Variants in TBKBP1 observed in about 807,000 individuals in gnomAD.
TBKBP1 encodes the protein TBK1 binding protein 1.
A neutral mutation model predicts 69.9 loss-of-function variants in TBKBP1; 47 were observed. That is an observed-to-expected ratio of 0.67 (90% confidence interval 0.53 to 0.86). TBKBP1 has a LOEUF of 0.86. Among genes scored for constraint, TBKBP1 ranks in the 40% least tolerant of loss-of-function variants. The pLI is 0.00. For missense variants in TBKBP1, 831 were observed against 858.6 expected (o/e 0.97, Z 0.40); for synonymous variants, 418 against 390.3 (o/e 1.07, Z -0.84).
rs553365938 is a variant in TBKBP1, at chr17:47,696,458, G to A, written c.225+121G>A. 8.1e-6 allele frequency: 10 copies of A among 1,238,394 alleles called. No homozygotes were observed. The Admixed American group carries it at 1.2e-4, about 15-fold the overall frequency. 76.7% of individuals were successfully genotyped at this position (1,238,394 alleles called of 1,614,324 possible). On this transcript the variant is annotated intron_variant, in intron 2 of 9. Coordinates refer to ENST00000578982, the MANE Select transcript of TBKBP1 (RefSeq NM_001394755.1). ...CTGTGCAGACTCTTGGGAACTTGAG[G>A]GTCTCCCATGAGAGACGTGGCTGTT...
chr17:47,699,670 C>A lies in TBKBP1; in HGVS notation c.845C>A (p.Ala282Glu), dbSNP rs1206567632. Reference protein sequence around the residue: ...LASNQSERDMAWVKRVGDDQV... With the variant: ...LASNQSERDMEWVKRVGDDQV... ...TCCAACCAGTCGGAGCGAGACATGGCGTGGGTGAAAAGAGTTGGGGATGAT... is the reference window on the plus strand; with the variant it reads ...TCCAACCAGTCGGAGCGAGACATGGAGTGGGTGAAAAGAGTTGGGGATGAT... Residue 282 changes from alanine to glutamate, a missense_variant, in exon 7 of 10, where the codon GCG becomes GAG. Physicochemically the swap from Ala to Glu is moderately radical, Grantham distance 107 (BLOSUM62 -1). Transcript: ENST00000578982. The A allele has an allele frequency of 1.2e-6, 2 of 1,613,856 alleles. No individual in the cohort carries two copies. The highest frequency in any genetic ancestry group is 1.7e-6 in the Non-Finnish European group (2 of 1,179,872).
Position 47,710,697 on chromosome 17 carries a change from G to C in TBKBP1, c.*71G>C. 1 of 1,544,288 alleles carries C rather than the reference G, an allele frequency of 6.5e-7. No homozygotes were observed. The highest frequency in any genetic ancestry group is 8.8e-7 in the Non-Finnish European group (1 of 1,135,716). ...CCCCCAAACACTCACTTTGAATGCT[G>C]CATGAATCTCGTGGGGGGTCCCTGC... On this transcript the variant is annotated 3_prime_UTR_variant, in exon 10 of 10. Transcript: ENST00000578982.
In TBKBP1 at chr17:47,709,246, C is replaced by T. The variant is rs1597970340; in HGVS notation, c.1513C>T (p.Pro505Ser). 6.6e-7 allele frequency: 1 copy of T among 1,522,170 alleles called. No individual in the cohort carries two copies. The highest frequency in any genetic ancestry group is 2.6e-5 in the East Asian group (1 of 38,452). The allele number at this position is 1,522,170 out of a possible 1,614,324, so 94.3% of individuals were successfully genotyped here. The change falls in exon 9 of 10, where the codon CCG becomes TCG. Residue 505 changes from proline to serine, a missense_variant. Pro to Ser is a moderately conservative substitution (Grantham distance 74, BLOSUM62 -1). Coordinates refer to ENST00000578982, the MANE Select transcript of TBKBP1 (RefSeq NM_001394755.1). ...ELYGPGRPLS[P>S]RRAFEGIRLR... Reference sequence around the variant, plus strand: ...CTACGGCCCTGGCAGGCCCCTCAGCCCGCGGCGCGCCTTCGAGGGCATCCG... The same window carrying T: ...CTACGGCCCTGGCAGGCCCCTCAGCTCGCGGCGCGCCTTCGAGGGCATCCG...
chr17:47,708,757 T>TG lies in TBKBP1; in HGVS notation c.1024_1025insG (p.Ser342CysfsTer123). Reference sequence around the variant, plus strand: ...GCACTCGCCGCTGTCACAACGCCACTCCCCGGCCCCCCAGTGCCCCTCCCC... The same window carrying TG: ...GCACTCGCCGCTGTCACAACGCCACTGCCCCGGCCCCCCAGTGCCCCTCCCC... On this transcript the variant is annotated frameshift_variant, in exon 9 of 10. Transcript: ENST00000578982. LOFTEE classifies it high-confidence loss of function. This position sits in a 1 kb window ranked among gnomAD's most constrained non-coding sequence, Gnocchi z 4.4. 1.5e-6 allele frequency: 2 copies of TG among 1,299,382 alleles called. No individual in the cohort carries two copies. Among genetic ancestry groups the TG allele is most frequent in the African/African-American group, 2.0e-5 (1 of 50,968 alleles). 80.5% of individuals were successfully genotyped at this position (1,299,382 alleles called of 1,614,324 possible). A position where few individuals can be genotyped will look rare whatever the true frequency, so the allele number is the denominator to read the frequency against.
rs1194951705 is a variant in TBKBP1, at chr17:47,709,038, C to A, written c.1305C>A (p.Gly435=). The A allele has an allele frequency of 7.9e-7, 1 of 1,272,054 alleles. No individual in the cohort carries two copies. The allele number at this position is 1,272,054 out of a possible 1,614,324, so 78.8% of individuals were successfully genotyped here. A position where few individuals can be genotyped will look rare whatever the true frequency, so the allele number is the denominator to read the frequency against. ...QPRPPPPPPP[G]ERTLAERAYA... ...GGCCACCGCCGCCGCCCCCGCCGGG[C>A]GAGAGGACGCTGGCCGAGCGCGCCT... Residue 435 remains glycine (G), a synonymous_variant, in exon 9 of 10, where the codon GGC becomes GGA. Coordinates refer to ENST00000578982, the MANE Select transcript of TBKBP1 (RefSeq NM_001394755.1).
intron 4 of TBKBP1, among the ~76,000 whole-genome samples, chr17:47,698,008 A>G (rs1310085526): frequency 6.6e-6 from 1 of 150,852 alleles, no homozygotes; most frequent in Non-Finnish European, 1.5e-5. Flanking sequence ...ACCCTAAGCT[A>G]TGACCTCAGT....
chr17:47,710,135 A>G (rs540374879), intron 9 of TBKBP1, among the ~76,000 whole-genome samples: 3 of 152,348 alleles, frequency 2.0e-5, no homozygotes, highest in African/African-American at 7.2e-5. Context: ...ATATACTCCA[A>G]AGCCAGACAG....
chr17:47,707,734 G>A (rs541659360), intron 7 of TBKBP1, among the ~76,000 whole-genome samples: 147 of 152,314 alleles, frequency 9.7e-4, no homozygotes, highest in Non-Finnish European at 1.6e-3. Context: ...CCCAGAGGCA[G>A]CTTTGAGGTC....
chr17:47,701,713 T>C (rs953403153), intron 7 of TBKBP1, among the ~76,000 whole-genome samples: 1 of 152,002 alleles, frequency 6.6e-6, no homozygotes, highest in Non-Finnish European at 1.5e-5. Context: ...GGGGCCAAGG[T>C]TGTATTGTGT....
At chr17:47,695,339 G>T (rs2031179741) in intron 1 of TBKBP1, 1 of 152,414 alleles carries the variant, frequency 6.6e-6, no homozygotes, top group Non-Finnish European at 1.5e-5. Flanking sequence ...CCCCTCGTAG[G>T]GTTCCCCATT....
chr17:47,703,876 T>C lies in TBKBP1; in HGVS notation c.872+4179T>C, dbSNP rs114711385. 4.6e-3 allele frequency among the ~76,000 whole-genome samples: 703 copies of C among 152,234 alleles called. 3 individuals are homozygous for C. Among genetic ancestry groups the C allele is most frequent in the African/African-American group, 0.016 (683 of 41,534 alleles). ...CAAACTGAGGTGCAGGGAAGTGAAGTAATCTGAGAGTTCAGTAAGAAATTC... is the reference window on the plus strand; with the variant it reads ...CAAACTGAGGTGCAGGGAAGTGAAGCAATCTGAGAGTTCAGTAAGAAATTC... On this transcript the variant is annotated intron_variant, in intron 7 of 9. Coordinates refer to ENST00000578982, the MANE Select transcript of TBKBP1 (RefSeq NM_001394755.1).
At position 47,711,245 on chromosome 17, in the gene TBKBP1, A is replaced by AG. The variant is rs1410202786; in HGVS notation, c.*622dup. 1.3e-5 allele frequency: 2 copies of AG among 153,034 alleles called. No individual in the cohort carries two copies. The highest frequency in any genetic ancestry group is 2.9e-5 in the Non-Finnish European group (2 of 68,326). 9.5% of individuals were successfully genotyped at this position (153,034 alleles called of 1,614,324 possible). On this transcript the variant is annotated 3_prime_UTR_variant, in exon 10 of 10. Transcript: ENST00000578982. ...CCCTGTTCTGCCCACTCTGGGGAATAGGGAGGGGAGGAGAGGAGAGGAGAG... is the reference window on the plus strand; with the variant it reads ...CCCTGTTCTGCCCACTCTGGGGAATAGGGGAGGGGAGGAGAGGAGAGGAGAG...
In TBKBP1 at chr17:47,709,409, C is replaced by T. The variant is rs1163357768; in HGVS notation, c.1676C>T (p.Ala559Val). Reference sequence around the variant, plus strand: ...ATCCCCGAGTCGCCCGCCGCCACCGCCTACGCCCACGCCGAGCACGCGCAG... The same window carrying T: ...ATCCCCGAGTCGCCCGCCGCCACCGTCTACGCCCACGCCGAGCACGCGCAG... Reference protein sequence around the residue: ...FPIPESPAATAYAHAEHAQSW... With the variant: ...FPIPESPAATVYAHAEHAQSW... Residue 559 changes from alanine (A) to valine (V), a missense_variant, in exon 9 of 10, where the codon GCC becomes GTC. Ala to Val is a moderately conservative substitution (Grantham distance 64). Coordinates refer to ENST00000578982, the MANE Select transcript of TBKBP1 (RefSeq NM_001394755.1). 3.9e-6 allele frequency: 6 copies of T among 1,540,686 alleles called. No homozygotes were observed. The highest frequency in any genetic ancestry group is 5.2e-6 in the Non-Finnish European group (6 of 1,151,618).
Position 47,696,197 on chromosome 17 carries a change from G to A in TBKBP1, c.85G>A (p.Asp29Asn). 1 of 1,613,736 alleles carries A rather than the reference G, an allele frequency of 6.2e-7. No individual in the cohort carries two copies. The highest frequency in any genetic ancestry group is 8.5e-7 in the Non-Finnish European group (1 of 1,179,860). Residue 29 changes from aspartate (D) to asparagine (N), a missense_variant, in exon 2 of 10, where the codon GAC (aspartate) becomes AAC (asparagine). By Grantham distance (23) the Asp-to-Asn change is conservative. Transcript: ENST00000578982. ...TGAGGTGTGGCTGGACAGTCCCGGA[G>A]ACCCCTCGCTTGGGGGCGACATGTG... ...PSEVWLDSPGDPSLGGDMCSA... is the reference protein window; with the variant it reads ...PSEVWLDSPGNPSLGGDMCSA...
At chr17:47,710,122 A>C (rs909317192) in intron 9 of TBKBP1, among the ~76,000 whole-genome samples, 1 of 152,258 alleles carries the variant, frequency 6.6e-6, no homozygotes, top group South Asian at 2.1e-4. Flanking sequence ...TGGAAAGACC[A>C]AAATATACTC....
In TBKBP1 at chr17:47,696,130, GGAC is replaced by G. The variant is rs771873222; in HGVS notation, c.22_24del (p.Asp8del). Reference sequence around the variant, plus strand: ...CCCTCACCATGGAGTCCATGTTCGAGGACGACATCAGCATCCTGACGCAGGAGG... The same window carrying G: ...CCCTCACCATGGAGTCCATGTTCGAGGACATCAGCATCCTGACGCAGGAGG... On this transcript the variant is annotated inframe_deletion, in exon 2 of 10. Transcript: ENST00000578982. 6.2e-6 allele frequency: 10 copies of G among 1,611,838 alleles called. No individual in the cohort carries two copies. Among genetic ancestry groups the G allele is most frequent in the Admixed American group, 1.7e-5 (1 of 59,924 alleles).
At position 47,694,883 on chromosome 17, in the gene TBKBP1, G is replaced by A. The variant is rs1436479737; in HGVS notation, c.-35+689G>A. 7.4e-5 allele frequency among the ~76,000 whole-genome samples: 5 copies of A among 67,448 alleles called. No homozygotes were observed. In the East Asian group the frequency reaches 2.8e-3, roughly 37 times the overall value. 44.2% of individuals were successfully genotyped at this position (67,448 alleles called of 152,430 possible). ...CTGGCACTTAGATGGGCCTGTGGGT[G>A]GCGGAGGGGGGGGGGTGGATTGAAT... On this transcript the variant is annotated intron_variant, in intron 1 of 9. Coordinates refer to ENST00000578982, the MANE Select transcript of TBKBP1 (RefSeq NM_001394755.1).
Position 47,710,538 on chromosome 17 carries a change from C to T in TBKBP1, c.1760C>T (p.Pro587Leu). Residue 587 changes from proline to leucine, a missense_variant, in exon 10 of 10, where the codon CCC becomes CTC. Pro to Leu is a moderately conservative substitution (Grantham distance 98). Transcript: ENST00000578982. Reference protein sequence around the residue: ...ETVGSDIRSCPLCQLGFPVGY... With the variant: ...ETVGSDIRSCLLCQLGFPVGY... ...GTGGGCTCCGACATCCGCAGCTGCC[C>T]CCTCTGCCAGCTGGGTTTCCCTGTC... 3 of 1,612,380 alleles carry T rather than the reference C, an allele frequency of 1.9e-6. No homozygotes were observed. The highest frequency in any genetic ancestry group is 2.5e-6 in the Non-Finnish European group (3 of 1,178,998).
At chr17:47,703,136 T>C (rs999633427) in intron 7 of TBKBP1, among the ~76,000 whole-genome samples, 1 of 152,026 alleles carries the variant, frequency 6.6e-6, no homozygotes, top group African/African-American at 2.4e-5. Context: ...AGGAAAAAAC[T>C]ATAGGCCTTT....
Sources: gnomAD v4.1 joint callset for allele counts (sites outside exome capture counted in the v4.1 genomes callset) on GRCh38, gnomAD v4.1.1 for gene constraint, Gnocchi (gnomAD v3.1) non-coding constraint, MANE v1.5 for transcripts, NCBI Gene and HGNC (gene_info 2026-07-23, HGNC 2026-07-21) for gene names.